PRKCE: variants seen among roughly 807,000 people sequenced by gnomAD.
PRKCE encodes protein kinase C epsilon type.
In PRKCE, 16 loss-of-function variants were observed where a neutral mutation model predicts 85.4. That is an observed-to-expected ratio of 0.19 (90% CI 0.13 to 0.28). PRKCE has a LOEUF of 0.28. Ranked by LOEUF, PRKCE falls within the 10% of genes least tolerant of loss-of-function variation. The probability of loss-of-function intolerance (pLI) is 1.00; values close to 1 mark genes in which losing one functional copy is unlikely to be tolerated. For missense variants in PRKCE, 573 were observed against 975.2 expected (o/e 0.59, Z 5.49); for synonymous variants, 388 against 371.5 (o/e 1.04, Z -0.51).
At chr2:46,131,117 C>T (rs1279352341) in intron 11 of PRKCE, among the ~76,000 whole-genome samples, 2 of 152,214 alleles carry the variant, frequency 1.3e-5, no homozygotes, top group Non-Finnish European at 2.9e-5. Flanking sequence ...TTGAACAGCA[C>T]TCTGAATTTT....
intron 1 of PRKCE, among the ~76,000 whole-genome samples, chr2:45,807,200 A>G (rs1301139587): frequency 2.6e-5 from 4 of 152,246 alleles, no homozygotes; most frequent in African/African-American, 7.2e-5. Context: ...AATAATCGCT[A>G]TCTTGCAATG....
chr2:45,802,298 A>G (rs1298166287), intron 1 of PRKCE, among the ~76,000 whole-genome samples: 1 of 152,138 alleles, frequency 6.6e-6, no homozygotes, highest in Non-Finnish European at 1.5e-5. Flanking sequence ...TAAATAAAGT[A>G]TGCATTTGGT....
Position 46,145,305 on chromosome 2 carries a change from G to C in PRKCE, c.1731+74G>C. 1 of 1,554,574 alleles carries C rather than the reference G, an allele frequency of 6.4e-7. No homozygotes were observed. The highest frequency in any genetic ancestry group is 8.7e-7 in the Non-Finnish European group (1 of 1,142,944). On this transcript the variant is annotated intron_variant, in intron 12 of 14. Coordinates refer to ENST00000306156, the MANE Select transcript of PRKCE (RefSeq NM_005400.3). The surrounding 1 kb of genome is among the most constrained non-coding windows in gnomAD (Gnocchi z 4.6). ...GCAGGGGTCCAAACCCATGCACTGG[G>C]GTCATCTAGTGGTGCTGGGGGAAGG... is the stretch of plus-strand genomic sequence containing the variant.
At chr2:46,140,675 A>G (rs763321329) in intron 11 of PRKCE, among the ~76,000 whole-genome samples, 4 of 152,236 alleles carry the variant, frequency 2.6e-5, no homozygotes, top group Admixed American at 2.0e-4. Context: ...CATCAGTTCA[A>G]TTACATAAAA....
chr2:45,977,657 G>A (rs936554555), intron 3 of PRKCE, among the ~76,000 whole-genome samples: 4 of 151,652 alleles, frequency 2.6e-5, no homozygotes, highest in Admixed American at 2.6e-4. Flanking sequence ...AAAAAAATCT[G>A]GAAGGAGGAG....
At chr2:45,830,813 C>T (rs6718786) in intron 1 of PRKCE, among the ~76,000 whole-genome samples, 95,316 of 152,092 alleles carry the variant, frequency 0.63, 31,058 homozygotes, top group African/African-American at 0.81. Flanking sequence ...AGATTATGAT[C>T]TTTTTAAAAC....
chr2:46,164,075 G>C (rs749173354), intron 14 of PRKCE, among the ~76,000 whole-genome samples: 2 of 152,234 alleles, frequency 1.3e-5, no homozygotes, highest in Non-Finnish European at 2.9e-5. Context: ...CAAATAACTT[G>C]AGGACATGTG....
chr2:45,716,627 AAGG>A (rs1487397137), intron 1 of PRKCE, among the ~76,000 whole-genome samples: 4 of 143,156 alleles, frequency 2.8e-5, no homozygotes, highest in African/African-American at 8.0e-5. Context: ...GAAGAAGGAG[AAGG>A]AGAAGAAGAA....
chr2:45,768,730 T>C (rs186204820), intron 1 of PRKCE, among the ~76,000 whole-genome samples: 240 of 152,350 alleles, frequency 1.6e-3, no homozygotes, highest in African/African-American at 5.2e-3. Flanking sequence ...GAAAACCCAT[T>C]TCTACTACTG....
At chr2:45,797,266 A>G (rs938001187) in intron 1 of PRKCE, among the ~76,000 whole-genome samples, 1 of 152,202 alleles carries the variant, frequency 6.6e-6, no homozygotes, top group Non-Finnish European at 1.5e-5. Context: ...CTTAGCTTTC[A>G]TAGAACAAAA....
chr2:45,884,985 A>T lies in PRKCE; in HGVS notation c.412+41922A>T, dbSNP rs770148219. ...TATATATATATATATATATATATAT[A>T]TATATATATATATATATTTGTTGTT... On this transcript the variant is annotated intron_variant, in intron 2 of 14. Transcript: ENST00000306156. Among the ~76,000 whole-genome samples, 754 of 84,968 alleles carry T rather than the reference A, an allele frequency of 8.9e-3. 35 individuals carry two copies. The highest frequency in any genetic ancestry group is 0.059 in the East Asian group (159 of 2,688). The allele number at this position is 84,968 out of a possible 152,430, so 55.7% of individuals were successfully genotyped here.
At position 45,880,694 on chromosome 2, in the gene PRKCE, C is replaced by T. The variant is rs1287783259; in HGVS notation, c.412+37631C>T. On this transcript the variant is annotated intron_variant, in intron 2 of 14. Transcript: ENST00000306156. The stretch of plus-strand genomic sequence containing the variant: ...TAGTAGGTGCACGACAAATATCCGG[C>T]CTCTAGGAAAGAATGCAGCAGAGTA... Among the ~76,000 whole-genome samples, 4 of 152,104 alleles carry T rather than the reference C, an allele frequency of 2.6e-5. No individual in the cohort carries two copies. The East Asian group carries it at 7.7e-4, about 29-fold the overall frequency.
chr2:45,915,900 TGAGA>T (rs1324709142), intron 2 of PRKCE, among the ~76,000 whole-genome samples: 1 of 152,172 alleles, frequency 6.6e-6, no homozygotes, highest in Non-Finnish European at 1.5e-5. Flanking sequence ...TTAAGGAACC[TGAGA>T]GAGAAATCGG....
intron 2 of PRKCE, among the ~76,000 whole-genome samples, chr2:45,860,009 T>G (rs954877096): frequency 1.3e-5 from 2 of 152,216 alleles, no homozygotes; most frequent in Non-Finnish European, 2.9e-5. Context: ...CCTGGAAATC[T>G]TTTTTGTTAC....
intron 1 of PRKCE, among the ~76,000 whole-genome samples, chr2:45,654,946 C>G (rs964916380): frequency 1.3e-5 from 2 of 152,180 alleles, no homozygotes; most frequent in African/African-American, 4.8e-5. Flanking sequence ...GGGCTCAGGT[C>G]TCTTCACTCC....
In PRKCE at chr2:46,159,945, C is replaced by T. The variant is rs967387063; in HGVS notation, c.2067+193C>T. On this transcript the variant is annotated intron_variant, in intron 14 of 14. Transcript: ENST00000306156. This position sits in a 1 kb window ranked among gnomAD's most constrained non-coding sequence, Gnocchi z 4.1. The stretch of plus-strand genomic sequence containing the variant: ...GTGTTTACTATTGAAAACATGTAAC[C>T]TACTACAGCAGCACCCAAGATGATG... 5 of 586,038 alleles carry T rather than the reference C, an allele frequency of 8.5e-6. No individual in the cohort carries two copies. Among genetic ancestry groups the T allele is most frequent in the African/African-American group, 7.8e-5 (4 of 51,162 alleles). The allele number at this position is 586,038 out of a possible 1,614,324, so 36.3% of individuals were successfully genotyped here. A position where few individuals can be genotyped will look rare whatever the true frequency, so the allele number is the denominator to read the frequency against.
intron 11 of PRKCE, among the ~76,000 whole-genome samples, chr2:46,102,760 A>G (rs1489666118): frequency 6.6e-6 from 1 of 152,208 alleles, no homozygotes; most frequent in East Asian, 1.9e-4. Flanking sequence ...CCTCATGATT[A>G]GACTCTGATT....
intron 11 of PRKCE, among the ~76,000 whole-genome samples, chr2:46,111,275 A>T (rs923065957): frequency 6.6e-6 from 1 of 152,268 alleles, no homozygotes; most frequent in South Asian, 2.1e-4. Flanking sequence ...CACCACTGAA[A>T]TAGGGGGTTT....
At chr2:46,156,168 G>C (rs1198225535) in intron 13 of PRKCE, among the ~76,000 whole-genome samples, 2 of 151,786 alleles carry the variant, frequency 1.3e-5, no homozygotes, top group African/African-American at 4.8e-5. Flanking sequence ...TAGCCTCCAG[G>C]GTTCTGCATC....
Sources: gnomAD v4.1 joint callset for allele counts (sites outside exome capture counted in the v4.1 genomes callset) on GRCh38, gnomAD v4.1.1 for gene constraint, Gnocchi (gnomAD v3.1) non-coding constraint, MANE v1.5 for transcripts, NCBI Gene and HGNC (gene_info 2026-07-23, HGNC 2026-07-21) for gene names.